Variants in CFAP299 observed in about 807,000 individuals in gnomAD.
The protein encoded by CFAP299 is cilia- and flagella-associated protein 299.
Under a neutral mutation model 27.0 loss-of-function variants are expected in CFAP299, and 21 were observed. The ratio of observed to expected loss-of-function variants is 0.78; its 90% CI spans 0.55 to 1.12. CFAP299 has a LOEUF of 1.12. Ranked by LOEUF, CFAP299 falls within the 50% of genes most tolerant of loss-of-function variation. CFAP299 has a pLI of 0.00. For synonymous variants in CFAP299, 104 were observed against 98.1 expected (o/e 1.06, Z -0.36); for missense variants, 310 against 276.6 (o/e 1.12, Z -0.86).
In CFAP299 at chr4:80,870,136, G is replaced by A. The variant is rs761206569; in HGVS notation, c.476+1G>A. 3.1e-6 allele frequency: 5 copies of A among 1,596,072 alleles called. No homozygotes were observed. Among genetic ancestry groups the A allele is most frequent in the Non-Finnish European group, 2.6e-6 (3 of 1,172,068 alleles). On this transcript the variant is annotated splice_donor_variant, in intron 4 of 5. Transcript: ENST00000358105. LOFTEE classifies it high-confidence loss of function. ...TTCTTCCAAGGCCTACAGATATAAG[G>A]TAAATTACATACAATTTTTGCACCC...
chr4:80,776,736 G>A (rs10017766), intron 3 of CFAP299, among the ~76,000 whole-genome samples: 7,971 of 151,500 alleles, frequency 0.053, 328 homozygotes, highest in East Asian at 0.22. Context: ...CATGTATCCC[G>A]GAACTTAAAG....
At chr4:80,826,606 C>A (rs1489291594) in intron 3 of CFAP299, among the ~76,000 whole-genome samples, 1 of 151,582 alleles carries the variant, frequency 6.6e-6, no homozygotes, top group Non-Finnish European at 1.5e-5. Context: ...TAGACAGTTC[C>A]ACAGTAATAG....
chr4:80,537,260 A>C (rs1222399802), intron 2 of CFAP299, among the ~76,000 whole-genome samples: 1 of 152,084 alleles, frequency 6.6e-6, no homozygotes, highest in Non-Finnish European at 1.5e-5. Context: ...TACAGCCATT[A>C]TTATCAAAAA....
At chr4:80,932,097 A>G (rs1176557065) in intron 4 of CFAP299, among the ~76,000 whole-genome samples, 1 of 152,114 alleles carries the variant, frequency 6.6e-6, no homozygotes, top group Non-Finnish European at 1.5e-5. Flanking sequence ...TAAAATATAG[A>G]CTGAATGCCC....
chr4:80,959,116 A>C (rs1391101180), intron 5 of CFAP299, among the ~76,000 whole-genome samples: 2 of 152,150 alleles, frequency 1.3e-5, no homozygotes, highest in African/African-American at 4.8e-5. Flanking sequence ...AAGCCACTGC[A>C]AAAGACAATT....
intron 3 of CFAP299, among the ~76,000 whole-genome samples, chr4:80,706,646 C>A (rs74738140): frequency 0.069 from 10,464 of 151,798 alleles, 808 homozygotes; most frequent in African/African-American, 0.18. Context: ...GTGTGAATAT[C>A]TATGTATATA....
At chr4:80,412,863 TG>T (rs1311895265) in intron 2 of CFAP299, among the ~76,000 whole-genome samples, 97 of 152,310 alleles carry the variant, frequency 6.4e-4, no homozygotes, top group African/African-American at 2.2e-3. Context: ...TCTTCCTTAA[TG>T]GGTATGCATC....
At chr4:80,736,547 A>C (rs922279465) in intron 3 of CFAP299, among the ~76,000 whole-genome samples, 150 of 152,256 alleles carry the variant, frequency 9.9e-4, no homozygotes, top group Non-Finnish European at 6.6e-4. Flanking sequence ...ATGCAGCCAA[A>C]AAACACATGA....
At chr4:80,747,132 T>A (rs1724658725) in intron 3 of CFAP299, among the ~76,000 whole-genome samples, 1 of 152,062 alleles carries the variant, frequency 6.6e-6, no homozygotes, top group Admixed American at 6.6e-5. Context: ...TTATGAGACA[T>A]TTTTAAATTT....
At chr4:80,660,941 C>A (rs188762523) in intron 3 of CFAP299, among the ~76,000 whole-genome samples, 1 of 152,120 alleles carries the variant, frequency 6.6e-6, no homozygotes, top group African/African-American at 2.4e-5. Context: ...CAACAAAAGA[C>A]CAAAAAGACA....
chr4:80,335,662 A>G, upstream of CFAP299: 5 of 739,944 alleles, frequency 6.8e-6, no homozygotes, highest in South Asian at 7.2e-5. Flanking sequence ...ATTAACGTCC[A>G]AAGCTCACAC....
intron 3 of CFAP299, among the ~76,000 whole-genome samples, chr4:80,640,932 G>T (rs1739693139): frequency 6.6e-6 from 1 of 152,142 alleles, no homozygotes; most frequent in Admixed American, 6.5e-5. Flanking sequence ...AAGGTAATAT[G>T]CAAACAAATA....
intron 3 of CFAP299, among the ~76,000 whole-genome samples, chr4:80,773,612 A>G (rs527498424): frequency 6.6e-6 from 1 of 152,200 alleles, no homozygotes; most frequent in Non-Finnish European, 1.5e-5. Flanking sequence ...CAGTATTAGA[A>G]TTTTAAATAT....
At chr4:80,672,376 G>C (rs1213283858) in intron 3 of CFAP299, among the ~76,000 whole-genome samples, 2 of 152,038 alleles carry the variant, frequency 1.3e-5, no homozygotes, top group Admixed American at 1.3e-4. Context: ...GGTGGATAAG[G>C]TTTTTGATGT....
At position 80,390,578 on chromosome 4, in the gene CFAP299, C is replaced by A. The variant is rs550529685; in HGVS notation, c.242+27694C>A. Among the ~76,000 whole-genome samples, 11 of 27,328 alleles carry A rather than the reference C, an allele frequency of 4.0e-4. No homozygotes were observed. In the South Asian group the frequency reaches 0.018, roughly 44 times the overall value. The allele number at this position is 27,328 out of a possible 152,430, so 17.9% of individuals were successfully genotyped here. A position where few individuals can be genotyped will look rare whatever the true frequency, so the allele number is the denominator to read the frequency against. On this transcript the variant is annotated intron_variant, in intron 2 of 5. Coordinates refer to ENST00000358105, the MANE Select transcript of CFAP299 (RefSeq NM_152770.3). ...GTATATATGTATATATGTATACACACATATATGTATATATGTATATATGTA... is the reference window on the plus strand; with the variant it reads ...GTATATATGTATATATGTATACACAAATATATGTATATATGTATATATGTA...
At chr4:80,493,942 A>AT (rs1401775993) in intron 2 of CFAP299, among the ~76,000 whole-genome samples, 4 of 150,586 alleles carry the variant, frequency 2.7e-5, no homozygotes, top group Admixed American at 6.6e-5. Flanking sequence ...CGCCCGGCTA[A>AT]TTTTTTGTAT....
intron 4 of CFAP299, chr4:80,870,479 T>C (rs765176997): frequency 9.4e-5 from 94 of 998,804 alleles, no homozygotes; most frequent in Non-Finnish European, 1.1e-4. Flanking sequence ...ATCTAACATG[T>C]TTTCCTCCAC....
chr4:80,473,259 C>T (rs529321369), intron 2 of CFAP299, among the ~76,000 whole-genome samples: 9 of 152,006 alleles, frequency 5.9e-5, no homozygotes, highest in East Asian at 3.9e-4. Flanking sequence ...ATCAGCCAGG[C>T]GAGGATCAGG....
chr4:80,590,562 G>T (rs771456602), intron 3 of CFAP299, among the ~76,000 whole-genome samples: 1 of 152,062 alleles, frequency 6.6e-6, no homozygotes, highest in Non-Finnish European at 1.5e-5. Flanking sequence ...GTTTGAACCC[G>T]GGAGGCGGAG....
Sources: gnomAD v4.1 joint callset for allele counts (sites outside exome capture counted in the v4.1 genomes callset) on GRCh38, gnomAD v4.1.1 for gene constraint, MANE v1.5 for transcripts, NCBI Gene and HGNC (gene_info 2026-07-23, HGNC 2026-07-21) for gene names.